Variants in FGF13 observed in about 807,000 individuals in gnomAD.
FGF13 encodes fibroblast growth factor homologous factor 2.
In FGF13, 2 loss-of-function variants were observed where a neutral mutation model predicts 19.5. The observed-to-expected ratio is 0.10, with a 90% CI of 0.04 to 0.32. The LOEUF (loss-of-function observed/expected upper bound fraction) is 0.32, where lower values mean the gene tolerates loss of function less well. Ranked by LOEUF, FGF13 falls within the 10% of genes least tolerant of loss-of-function variation. FGF13 has a pLI of 1.00. For synonymous variants in FGF13, 72 were observed against 76.9 expected, an observed-to-expected ratio of 0.94 and a Z score of 0.33; for missense variants, 113 against 192.7, an observed-to-expected ratio of 0.59 and a Z score of 2.45.
intron 3 of FGF13, among the ~76,000 whole-genome samples, chrX:138,830,042 A>C (rs2091060628): frequency 8.9e-6 from 1 of 112,376 alleles, no homozygotes; most frequent in Non-Finnish European, 1.9e-5. Flanking sequence ...TTTATAAATG[A>C]CCCAGTCTGT....
chrX:138,883,985 A>C (rs1243861123), intron 1 of FGF13, among the ~76,000 whole-genome samples: 5 of 112,168 alleles, frequency 4.5e-5, no homozygotes, highest in Non-Finnish European at 9.4e-5. Context: ...CGTGGGGTCT[A>C]TTTCTGACTT....
At chrX:138,954,284 C>T (rs926774138) in intron 1 of FGF13, among the ~76,000 whole-genome samples, 1 of 111,496 alleles carries the variant, frequency 9.0e-6, no homozygotes, top group Non-Finnish European at 1.9e-5. Flanking sequence ...CTGACCAAAA[C>T]GGACAAGTAT....
At position 139,002,228 on chromosome X, in the gene FGF13, T is replaced by A. The variant is rs1741775514; in HGVS notation, c.-112-137578A>T. Among the ~76,000 whole-genome samples the A allele has an allele frequency of 6.3e-5, 7 of 110,400 alleles. No individual in the cohort carries two copies. The South Asian group carries it at 2.8e-3, about 44-fold the overall frequency. On this transcript the variant is annotated intron_variant, in intron 1 of 2. Transcript: ENST00000421460. ...TGGGGAGGGATAGCATTAGGAGAAA[T>A]ACCTAATGTAAATGACAAGTTGATG...
At chrX:138,998,571 G>A (rs1361376856) in intron 1 of FGF13, among the ~76,000 whole-genome samples, 1 of 110,233 alleles carries the variant, frequency 9.1e-6, no homozygotes, top group Non-Finnish European at 1.9e-5. Flanking sequence ...GCCAACAAAG[G>A]TCAAAAGAAA....
At position 138,908,216 on chromosome X, in the gene FGF13, A is replaced by G. The variant is rs867184389; in HGVS notation, c.-112-43566T>C. Among the ~76,000 whole-genome samples, 3 of 104,358 alleles carry G rather than the reference A, an allele frequency of 2.9e-5. No homozygotes were observed. The Admixed American group carries it at 3.1e-4, about 11-fold the overall frequency. The allele number at this position is 104,358 out of a possible 115,157, so 90.6% of individuals were successfully genotyped here. On this transcript the variant is annotated intron_variant, in intron 1 of 2. Coordinates refer to the FGF13 transcript ENST00000421460. ...CTCCCGAGTAACTGGGACAACAGGC[A>G]CCCGCCACTGCGCCCGGCTAAATTT...
At chrX:139,162,329 A>T (rs1020728035) in intron 1 of FGF13, among the ~76,000 whole-genome samples, 4 of 112,420 alleles carry the variant, frequency 3.6e-5, no homozygotes, top group African/African-American at 9.7e-5. Flanking sequence ...TGGTGTTGGG[A>T]AAACTGGCTA....
At chrX:139,184,614 C>T (rs1266735456) in intron 1 of FGF13, among the ~76,000 whole-genome samples, 1 of 110,662 alleles carries the variant, frequency 9.0e-6, no homozygotes, top group Admixed American at 9.6e-5. Flanking sequence ...ATATATATTG[C>T]TTATTGTATG....
intron 1 of FGF13, among the ~76,000 whole-genome samples, chrX:139,109,624 T>C (rs1168810415): frequency 1.8e-5 from 2 of 111,551 alleles, no homozygotes; most frequent in African/African-American, 3.3e-5. Context: ...CCATCACTTT[T>C]TTCTGAGCAC....
At chrX:138,945,502 G>C (rs891196556) in intron 1 of FGF13, among the ~76,000 whole-genome samples, 2 of 111,538 alleles carry the variant, frequency 1.8e-5, no homozygotes, top group South Asian at 3.8e-4. Context: ...ATGAACAGTG[G>C]GGGGGTCATT....
At position 138,684,398 on chromosome X, in the gene FGF13, C is replaced by T. The variant is rs1208536617; in HGVS notation, c.402+18586G>A. On this transcript the variant is annotated intron_variant, in intron 3 of 4. Coordinates refer to ENST00000315930, the MANE Select transcript of FGF13 (RefSeq NM_004114.5). ...GTGTATCATTTTGATCCAGTCATCT[C>T]TTATTATGTGAAAGAGAAAAATCAC... 1.1e-4 allele frequency among the ~76,000 whole-genome samples: 12 copies of T among 111,148 alleles called. No individual in the cohort carries two copies. In the Admixed American group the frequency reaches 1.2e-3, roughly 11 times the overall value.
chrX:139,012,180 G>A (rs927525373), intron 1 of FGF13, among the ~76,000 whole-genome samples: 1 of 111,643 alleles, frequency 9.0e-6, no homozygotes, highest in African/African-American at 3.2e-5. Context: ...AAATACTGCT[G>A]AAATAAATTA....
intron 1 of FGF13, among the ~76,000 whole-genome samples, chrX:138,873,922 A>G (rs2091372123): frequency 2.0e-5 from 2 of 98,562 alleles, no homozygotes; most frequent in Admixed American, 1.2e-4. Context: ...CAAACACCGC[A>G]TGTTCTCACT....
At chrX:138,884,597 C>T (rs2091442880) in intron 1 of FGF13, among the ~76,000 whole-genome samples, 1 of 112,028 alleles carries the variant, frequency 8.9e-6, no homozygotes, top group Non-Finnish European at 1.9e-5. Context: ...AAAGTTGATA[C>T]AAGGAATATC....
At chrX:138,856,038 T>C (rs1217012385), downstream of FGF13, among the ~76,000 whole-genome samples, 1 of 110,335 alleles carries the variant, frequency 9.1e-6, no homozygotes, top group East Asian at 2.8e-4. Context: ...TGGAATGTAG[T>C]ATATATAGTA....
intron 1 of FGF13, among the ~76,000 whole-genome samples, chrX:139,146,055 A>C (rs10283984): frequency 0.061 from 6,757 of 111,519 alleles, 410 homozygotes; most frequent in African/African-American, 0.18. Flanking sequence ...GGACATAGGC[A>C]TGGGCAAGGA....
chrX:138,790,043 CAAAAAAAAAAAA>C (rs764151731), intron 3 of FGF13, among the ~76,000 whole-genome samples: 3 of 29,166 alleles, frequency 1.0e-4, no homozygotes, highest in African/African-American at 2.2e-4. Context: ...AGACTCCATT[CAAAAAAAAAAAA>C]AAAAAAAAAA....
chrX:139,084,367 TG>T (rs2083390555), intron 1 of FGF13, among the ~76,000 whole-genome samples: 1 of 111,772 alleles, frequency 8.9e-6, no homozygotes. Flanking sequence ...GGCAGTCACT[TG>T]TTTGGGCACC....
At chrX:138,675,217 G>A (rs1338389438) in intron 3 of FGF13, among the ~76,000 whole-genome samples, 1 of 112,058 alleles carries the variant, frequency 8.9e-6, no homozygotes, top group East Asian at 2.8e-4. Context: ...TGTTTCTCAT[G>A]CCATTTTCTT....
intron 1 of FGF13, among the ~76,000 whole-genome samples, chrX:139,072,232 A>C (rs895345802): frequency 9.3e-6 from 1 of 107,950 alleles, no homozygotes; most frequent in African/African-American, 3.4e-5. Flanking sequence ...CTTATAAGAA[A>C]AGGAAGAGAG....
Sources: gnomAD v4.1 joint callset for allele counts (sites outside exome capture counted in the v4.1 genomes callset) on GRCh38, gnomAD v4.1.1 for gene constraint, MANE v1.5 for transcripts, NCBI Gene and HGNC (gene_info 2026-07-23, HGNC 2026-07-21) for gene names.